CTBP2: variants seen among roughly 807,000 people sequenced by gnomAD.
CTBP2 encodes C-terminal binding protein 2, also known as C-terminal-binding protein 2.
CTBP2 carries 30 observed loss-of-function variants against 80.3 expected under a neutral mutation model. The observed-to-expected ratio is 0.37, with a 90% confidence interval of 0.28 to 0.51. The LOEUF (loss-of-function observed/expected upper bound fraction) is 0.51, where lower values mean the gene tolerates loss of function less well. CTBP2 is among the 20% of genes least tolerant of loss of function. The probability of loss-of-function intolerance (pLI) is 0.93; values close to 1 mark genes in which losing one functional copy is unlikely to be tolerated. For missense variants in CTBP2, 1,212 were observed against 1,375.3 expected (o/e 0.88, Z 1.88); for synonymous variants, 594 against 587.4 (o/e 1.01, Z -0.16).
intron 1 of CTBP2, among the ~76,000 whole-genome samples, chr10:125,146,910 A>G (rs1268726967): frequency 6.6e-6 from 1 of 152,170 alleles, no homozygotes; most frequent in Non-Finnish European, 1.5e-5. Context: ...GGACATGATT[A>G]ATTACCACCC....
chr10:125,071,481 C>A (rs1177133676), intron 2 of CTBP2, among the ~76,000 whole-genome samples: 1 of 152,212 alleles, frequency 6.6e-6, no homozygotes, highest in Non-Finnish European at 1.5e-5. Context: ...ATGCTGAAGA[C>A]CTGAGTTCCA....
chr10:125,124,915 T>C (rs1854968310), intron 1 of CTBP2, among the ~76,000 whole-genome samples: 1 of 152,206 alleles, frequency 6.6e-6, no homozygotes, highest in Non-Finnish European at 1.5e-5. Flanking sequence ...AAGAATGTAT[T>C]AAAATACACC....
chr10:125,006,111 C>A, intron 1 of CTBP2: 1 of 893,980 alleles, frequency 1.1e-6, no homozygotes, highest in Non-Finnish European at 1.5e-6. Context: ...ACACGGGTTG[C>A]CTTTCTCCTT....
intron 1 of CTBP2, among the ~76,000 whole-genome samples, chr10:125,149,584 C>T (rs1228712153): frequency 2.0e-5 from 3 of 152,180 alleles, no homozygotes; most frequent in South Asian, 2.1e-4. Context: ...ACACCACCCC[C>T]GGCCCCACCA....
intron 2 of CTBP2, among the ~76,000 whole-genome samples, chr10:125,045,235 T>C (rs1023117249): frequency 1.3e-5 from 2 of 152,172 alleles, no homozygotes; most frequent in East Asian, 3.9e-4. Context: ...TCCCAGATCC[T>C]GGATCTGCCA....
chr10:125,032,747 C>T (rs113167835), upstream of CTBP2: 11 of 154,928 alleles, frequency 7.1e-5, 1 homozygote, highest in Middle Eastern at 5.2e-4. Context: ...TGGTGATGGA[C>T]GGCTGGCCTC....
At position 125,083,632 on chromosome 10, in the gene CTBP2, G is replaced by GTTGT. The variant is rs141248402; in HGVS notation, c.-102+27354_-102+27357dup. On this transcript the variant is annotated intron_variant, in intron 2 of 10. Transcript: ENST00000337195. ...AACAAGCACCCAGGATACACTCGCT[G>GTTGT]TTGTTTGTTTGTTTGTTTTAAGGCA... Among the ~76,000 whole-genome samples the GTTGT allele has an allele frequency of 4.6e-3, 697 of 152,250 alleles. 5 individuals are homozygous for GTTGT. The highest frequency in any genetic ancestry group is 0.015 in the African/African-American group (636 of 41,560).
chr10:125,025,504 T>C (rs1037535573), intron 1 of CTBP2, among the ~76,000 whole-genome samples: 7 of 152,230 alleles, frequency 4.6e-5, no homozygotes, highest in Non-Finnish European at 8.8e-5. Flanking sequence ...GAAACTGAGT[T>C]CTGAGGGATT....
intron 1 of CTBP2, among the ~76,000 whole-genome samples, chr10:125,155,409 T>C (rs1320704856): frequency 6.6e-6 from 1 of 152,176 alleles, no homozygotes; most frequent in Admixed American, 6.5e-5. Flanking sequence ...CCCCCTTTTT[T>C]TTTTTACACA....
chr10:125,065,934 C>A (rs1844551677), intron 2 of CTBP2, among the ~76,000 whole-genome samples: 1 of 151,944 alleles, frequency 6.6e-6, no homozygotes, highest in African/African-American at 2.4e-5. Flanking sequence ...AAACCCTGTC[C>A]TAAGAAAAAT....
chr10:125,027,942 A>G lies in CTBP2; in HGVS notation c.-183T>C, dbSNP rs1479287235. 2.2e-5 allele frequency: 31 copies of G among 1,413,142 alleles called. No homozygotes were observed. Among genetic ancestry groups the G allele is most frequent in the Non-Finnish European group, 2.9e-5 (31 of 1,087,130 alleles). The allele number at this position is 1,413,142 out of a possible 1,614,324, so 87.5% of individuals were successfully genotyped here. A position where few individuals can be genotyped will look rare whatever the true frequency, so the allele number is the denominator to read the frequency against. The stretch of plus-strand genomic sequence containing the variant: ...TTAATCCTCCGAAACCTTAGCAGAC[A>G]AAACATAAGACTCACGGTAACTTTG... On this transcript the variant is annotated 5_prime_UTR_variant, in exon 1 of 9. Transcript: ENST00000309035.
At chr10:125,146,437 C>T (rs1049176497) in intron 1 of CTBP2, among the ~76,000 whole-genome samples, 2 of 148,468 alleles carry the variant, frequency 1.3e-5, no homozygotes, top group South Asian at 2.1e-4. Context: ...CGCGCCACCA[C>T]GCATGGCTAA....
intron 1 of CTBP2, among the ~76,000 whole-genome samples, chr10:125,120,050 T>C (rs1854053291): frequency 6.6e-6 from 1 of 152,246 alleles, no homozygotes; most frequent in African/African-American, 2.4e-5. Context: ...CTTGGGGATT[T>C]CAATGCAGAT....
At chr10:125,047,926 T>C (rs2135140678) in intron 2 of CTBP2, among the ~76,000 whole-genome samples, 1 of 152,080 alleles carries the variant, frequency 6.6e-6, no homozygotes, top group East Asian at 1.9e-4. Flanking sequence ...AGATATGAAT[T>C]TGTAAAAAAA....
At chr10:125,060,014 G>A (rs1964657210) in intron 2 of CTBP2, among the ~76,000 whole-genome samples, 2 of 152,168 alleles carry the variant, frequency 1.3e-5, no homozygotes, top group African/African-American at 4.8e-5. Flanking sequence ...GCCCATCCCT[G>A]GAGTCATCCT....
chr10:125,032,054 GA>G (rs954723571), upstream of CTBP2, among the ~76,000 whole-genome samples: 581 of 143,366 alleles, frequency 4.1e-3, no homozygotes, highest in Non-Finnish European at 6.2e-3. Context: ...GGTTTCAAAA[GA>G]AAAAAAAAAA....
chr10:125,082,687 A>G (rs1268347751), intron 2 of CTBP2, among the ~76,000 whole-genome samples: 1 of 150,610 alleles, frequency 6.6e-6, no homozygotes, highest in East Asian at 2.0e-4. Context: ...TCGTGGGATC[A>G]AGTGATTTTC....
At chr10:125,064,357 G>T (rs904753577) in intron 2 of CTBP2, among the ~76,000 whole-genome samples, 1 of 152,154 alleles carries the variant, frequency 6.6e-6, no homozygotes, top group Non-Finnish European at 1.5e-5. Context: ...ATAATTACGG[G>T]AACAGGCAAG....
At position 125,026,540 on chromosome 10, in the gene CTBP2, G is replaced by A. The variant is rs1957584030; in HGVS notation, c.1220C>T (p.Ser407Phe). 2 of 1,577,046 alleles carry A rather than the reference G, an allele frequency of 1.3e-6. No homozygotes were observed. Among genetic ancestry groups the A allele is most frequent in the African/African-American group, 1.3e-5 (1 of 74,104 alleles). Residue 407 changes from serine to phenylalanine, a missense_variant, in exon 1 of 9, where the codon TCC becomes TTC. Around this residue, in one of 3 missense-constraint regions of CTBP2, gnomAD observed 848 missense variants for 782.3 expected, o/e 1.08. Coordinates refer to ENST00000309035, the MANE Select transcript of CTBP2 (RefSeq NM_022802.3). ...CAGGAGGTGCTGAGATGGTGCGCTG[G>A]AGGGACGGCGAGCCGGGTCTCCAGC...
Sources: gnomAD v4.1 joint callset for allele counts (sites outside exome capture counted in the v4.1 genomes callset) on GRCh38, gnomAD v4.1.1 for gene constraint, gnomAD v4.1.1 regional missense constraint, MANE v1.5 for transcripts, NCBI Gene and HGNC (gene_info 2026-07-23, HGNC 2026-07-21) for gene names.